Variants in BAP1 observed in about 807,000 individuals in gnomAD.
BAP1 encodes the protein BRCA1 associated deubiquitinase 1.
In BAP1, 16 loss-of-function variants were observed where a neutral mutation model predicts 77.2. That is an observed-to-expected ratio of 0.21 (90% CI 0.14 to 0.31). BAP1 has a LOEUF of 0.31. Among genes scored for constraint, BAP1 ranks in the 10% least tolerant of loss-of-function variants. The probability of loss-of-function intolerance (pLI) is 1.00; values close to 1 mark genes in which losing one functional copy is unlikely to be tolerated. For synonymous variants in BAP1, 362 were observed against 385.2 expected, an observed-to-expected ratio of 0.94 and a Z score of 0.71; for missense variants, 699 against 967.3, an observed-to-expected ratio of 0.72 and a Z score of 3.68.
Position 52,406,977 on chromosome 3 carries a change from G to C in BAP1, c.581-70C>G, listed in dbSNP as rs2153227704. On this transcript the variant is annotated intron_variant, in intron 7 of 16. Transcript: ENST00000460680. This position sits in a 1 kb window ranked among gnomAD's most constrained non-coding sequence, Gnocchi z 4.6. ...GTTTGGGCAGGCCAGGAGTGGGAAG[G>C]AAGACAGAGAAGAGCAGTTGAGCCA... is the stretch of plus-strand genomic sequence containing the variant. The C allele has an allele frequency of 6.6e-7, 1 of 1,511,588 alleles. No homozygotes were observed. The highest frequency in any genetic ancestry group is 2.0e-5 in the Admixed American group (1 of 51,150). The allele number at this position is 1,511,588 out of a possible 1,614,324, so 93.6% of individuals were successfully genotyped here. A position where few individuals can be genotyped will look rare whatever the true frequency, so the allele number is the denominator to read the frequency against.
chr3:52,403,744 A>C lies in BAP1; in HGVS notation c.1401T>G (p.Thr467=), dbSNP rs1578220972. 3 of 1,613,962 alleles carry C rather than the reference A, an allele frequency of 1.9e-6. No individual in the cohort carries two copies. The highest frequency in any genetic ancestry group is 2.5e-6 in the Non-Finnish European group (3 of 1,180,038). The part of the protein sequence containing the change: ...KDLSIPLSIK[T]SSGAGSPAVA... ...CAGCCGGACTCCCAGCCCCGCTGCT[A>C]GTCTTGATGGACAGAGGAATTGAGA... The change falls in exon 13 of 17, where the codon ACT becomes ACG. Residue 467 remains threonine (T), a synonymous_variant. Transcript: ENST00000460680. This position sits in a 1 kb window ranked among gnomAD's most constrained non-coding sequence, Gnocchi z 4.0.
intron 4 of BAP1, among the ~76,000 whole-genome samples, 173 bp downstream of exon 4, chr3:52,408,301 T>C (rs1252615333): frequency 1.3e-5 from 2 of 152,204 alleles, no homozygotes; most frequent in Non-Finnish European, 2.9e-5. Flanking sequence ...CCTCCTACTC[T>C]AAAGCTGTTC....
intron 3 of BAP1, 116 bp from the exon 4 acceptor site, chr3:52,408,722 A>AT (rs1705247035): frequency 7.6e-7 from 1 of 1,314,882 alleles, no homozygotes; most frequent in African/African-American, 1.5e-5. Context: ...CCTTGCTGTG[A>AT]TCCCCCCTCT....
chr3:52,401,220 C>T lies in BAP1; in HGVS notation c.*1068G>A, dbSNP rs1704943320. ...TGGGGCTGTGTTGGGGCCTGGGCTC[C>T]AGAGGCACTGCTGGGCCCATTACCC... On this transcript the variant is annotated 3_prime_UTR_variant, in exon 17 of 17. Transcript: ENST00000460680. The T allele has an allele frequency of 4.3e-6, 1 of 232,980 alleles. No individual in the cohort carries two copies. Among genetic ancestry groups the T allele is most frequent in the African/African-American group, 2.2e-5 (1 of 45,320 alleles). The allele number at this position is 232,980 out of a possible 1,614,324, so 14.4% of individuals were successfully genotyped here.
chr3:52,406,765 C>G lies in BAP1; in HGVS notation c.659+64G>C, dbSNP rs1705171077. 2.0e-6 allele frequency: 3 copies of G among 1,513,572 alleles called. No homozygotes were observed. The highest frequency in any genetic ancestry group is 2.7e-6 in the Non-Finnish European group (3 of 1,112,504). 93.8% of individuals were successfully genotyped at this position (1,513,572 alleles called of 1,614,324 possible). On this transcript the variant is annotated intron_variant, in intron 8 of 16. Coordinates refer to ENST00000460680, the MANE Select transcript of BAP1 (RefSeq NM_004656.4). This position sits in a 1 kb window ranked among gnomAD's most constrained non-coding sequence, Gnocchi z 4.6. ...GCAATTTACAAATCACCTGGATACTCTCTGTCCCTCCCAAAGTAGGTACAG... is the reference window on the plus strand; with the variant it reads ...GCAATTTACAAATCACCTGGATACTGTCTGTCCCTCCCAAAGTAGGTACAG...
rs753960146 is a variant in BAP1, at chr3:52,406,812, A to T, written c.659+17T>A. ...ACAGCTCCAGAGAGTAGAACAGGGC[A>T]GGCACAGGGCCCTTACCCTGCAGTG... is the stretch of plus-strand genomic sequence containing the variant. On this transcript the variant is annotated intron_variant, in intron 8 of 16. Coordinates refer to ENST00000460680, the MANE Select transcript of BAP1 (RefSeq NM_004656.4). This position sits in a 1 kb window ranked among gnomAD's most constrained non-coding sequence, Gnocchi z 4.6. The T allele has an allele frequency of 1.4e-4, 216 of 1,553,244 alleles. 1 individual carries two copies. In the South Asian group the frequency reaches 2.0e-3, roughly 14 times the overall value.
Position 52,403,051 on chromosome 3 carries a change from C to A in BAP1, c.1890+87G>T. On this transcript the variant is annotated intron_variant, in intron 14 of 16. Coordinates refer to ENST00000460680, the MANE Select transcript of BAP1 (RefSeq NM_004656.4). The surrounding 1 kb of genome is among the most constrained non-coding windows in gnomAD (Gnocchi z 4.0). ...AGCCACCAATCTTCACACCAAAGTT[C>A]CAATCAAGAACTTGGCACCTGGGCA... 1.2e-6 allele frequency: 2 copies of A among 1,600,746 alleles called. No homozygotes were observed. The highest frequency in any genetic ancestry group is 2.2e-5 in the South Asian group (2 of 90,598).
Position 52,404,445 on chromosome 3 carries a change from G to A in BAP1, c.1250+8C>T, listed in dbSNP as rs1282283718. The A allele has an allele frequency of 1.2e-6, 2 of 1,614,094 alleles. No homozygotes were observed. Among genetic ancestry groups the A allele is most frequent in the Admixed American group, 1.7e-5 (1 of 60,006 alleles). ...TAGAACCTGGTAGCCTTAGAAAGCT[G>A]GGCTGACCTAAGGGCAGAGTTGGTG... On this transcript the variant is annotated splice_region_variant and intron_variant, in intron 12 of 16. Transcript: ENST00000460680.
In BAP1 at chr3:52,403,404, T is replaced by TC; in HGVS notation, c.1729+11dup. 1 of 1,613,488 alleles carries TC rather than the reference T, an allele frequency of 6.2e-7. No homozygotes were observed. Among genetic ancestry groups the TC allele is most frequent in the Non-Finnish European group, 8.5e-7 (1 of 1,179,898 alleles). On this transcript the variant is annotated intron_variant, in intron 13 of 16. Transcript: ENST00000460680. This position sits in a 1 kb window ranked among gnomAD's most constrained non-coding sequence, Gnocchi z 4.0. ...GTGCACCAAGTGGCCAGTGAGCCAG[T>TC]CCAAGGCCCACCTGTCAGCGCCAGG...
In BAP1 at chr3:52,408,534, C is replaced by T. The variant is rs2153228316; in HGVS notation, c.195G>A (p.Leu65=). ...CATCAATCACGGACGTATCATCCAC[C>T]AAGGTAGAGACCTTTCGCCGGGACC... ...ERRSRRKVST[L]VDDTSVIDDD... is the part of the protein sequence containing the mutation. Residue 65 remains leucine (L), a synonymous_variant, in exon 4 of 17, where the codon TTG becomes TTA. Coordinates refer to ENST00000460680, the MANE Select transcript of BAP1 (RefSeq NM_004656.4). 2.5e-6 allele frequency: 4 copies of T among 1,612,246 alleles called. No individual in the cohort carries two copies. Among genetic ancestry groups the T allele is most frequent in the Non-Finnish European group, 3.4e-6 (4 of 1,179,234 alleles).
Position 52,402,267 on chromosome 3 carries a change from C to G in BAP1, c.*21G>C. Reference sequence around the variant, plus strand: ...AGGGCCACACGGCAAGAGTGGGCTGCAGAGTCAGGGCCAGCAGTCCTCACT... The same window carrying G: ...AGGGCCACACGGCAAGAGTGGGCTGGAGAGTCAGGGCCAGCAGTCCTCACT... On this transcript the variant is annotated 3_prime_UTR_variant, in exon 17 of 17. Coordinates refer to ENST00000460680, the MANE Select transcript of BAP1 (RefSeq NM_004656.4). The surrounding 1 kb of genome is among the most constrained non-coding windows in gnomAD (Gnocchi z 5.3). The G allele has an allele frequency of 6.3e-7, 1 of 1,599,490 alleles. No homozygotes were observed. The highest frequency in any genetic ancestry group is 8.5e-7 in the Non-Finnish European group (1 of 1,174,906).
chr3:52,403,756 C>T lies in BAP1; in HGVS notation c.1389G>A (p.Leu463=), dbSNP rs1064795208. ...KESQKDLSIP[L]SIKTSSGAGS... ...CAGCCCCGCTGCTAGTCTTGATGGA[C>T]AGAGGAATTGAGAGGTCCTTCTGGG... The change falls in exon 13 of 17, where the codon CTG becomes CTA. Residue 463 remains leucine, a synonymous_variant. Transcript: ENST00000460680. The surrounding 1 kb of genome is among the most constrained non-coding windows in gnomAD (Gnocchi z 4.0). The T allele has an allele frequency of 2.5e-6, 4 of 1,614,076 alleles. No homozygotes were observed. The South Asian group carries it at 3.3e-5, about 13-fold the overall frequency.
In BAP1 at chr3:52,405,199, G is replaced by C. The variant is rs1060503734; in HGVS notation, c.1027C>G (p.Leu343Val). 1 of 1,614,124 alleles carries C rather than the reference G, an allele frequency of 6.2e-7. No individual in the cohort carries two copies. Among genetic ancestry groups the C allele is most frequent in the Non-Finnish European group, 8.5e-7 (1 of 1,180,036 alleles). ...KLVVKPPGSS[L>V]NGVHPNPTPI... is the part of the protein sequence containing the mutation. ...GTGGGGTTGGGGTGAACCCCATTGA[G>C]GCTGCTGCCTGGAGGCTTCACCACT... The change falls in exon 11 of 17, where the codon CTC (leucine) becomes GTC (valine). Residue 343 changes from leucine (L) to valine (V), a missense_variant. Leu to Val is a conservative substitution (Grantham distance 32, BLOSUM62 1). Coordinates refer to ENST00000460680, the MANE Select transcript of BAP1 (RefSeq NM_004656.4).
chr3:52,406,613 C>A lies in BAP1; in HGVS notation c.659+216G>T. 2.3e-6 allele frequency: 2 copies of A among 858,100 alleles called. No individual in the cohort carries two copies. Among genetic ancestry groups the A allele is most frequent in the Non-Finnish European group, 3.6e-6 (2 of 549,914 alleles). 53.2% of individuals were successfully genotyped at this position (858,100 alleles called of 1,614,324 possible). ...CAGCAGACCTGGGCTGCCTAAGGCTCCACTGAGGCCTGCCCCTCCCCCAGC... is the reference window on the plus strand; with the variant it reads ...CAGCAGACCTGGGCTGCCTAAGGCTACACTGAGGCCTGCCCCTCCCCCAGC... On this transcript the variant is annotated intron_variant, in intron 8 of 16. Coordinates refer to ENST00000460680, the MANE Select transcript of BAP1 (RefSeq NM_004656.4). The surrounding 1 kb of genome is among the most constrained non-coding windows in gnomAD (Gnocchi z 4.6).
rs1338231889 is a variant in BAP1, at chr3:52,408,479, G to A, written c.250C>T (p.His84Tyr). ...AAGCACAGAGTCCAGCAGACCTGGT[G>A]GGCAAAGAACATGTTATTCACAATA... is the stretch of plus-strand genomic sequence containing the variant. ...DDIVNNMFFAHQLIPNSCATH... is the reference protein window; with the variant it reads ...DDIVNNMFFAYQLIPNSCATH... Residue 84 changes from histidine (H) to tyrosine (Y), a missense_variant, in exon 4 of 17, where the codon CAC becomes TAC. By Grantham distance (83) the His-to-Tyr change is moderately conservative. Transcript: ENST00000460680. 56 of 1,611,144 alleles carry A rather than the reference G, an allele frequency of 3.5e-5. No individual in the cohort carries two copies. Among genetic ancestry groups the A allele is most frequent in the Non-Finnish European group, 4.6e-5 (54 of 1,178,834 alleles).
At chr3:52,409,458 G>A in intron 3 of BAP1, 96 bp downstream of exon 3, 1 of 1,491,588 alleles carries the variant, frequency 6.7e-7, no homozygotes, top group East Asian at 2.3e-5. Flanking sequence ...TTACAACGTA[G>A]GGTTCCTGGC....
chr3:52,403,247 C>CA lies in BAP1; in HGVS notation c.1780_1781insT (p.Gly594ValfsTer49). 6.2e-7 allele frequency: 1 copy of CA among 1,614,172 alleles called. No homozygotes were observed. ...CTCCTTCTCCACTGGGCTGCTGGAC[C>CA]CCTGGCTGCCTTGGATTGGTCTGAT... On this transcript the variant is annotated frameshift_variant, in exon 14 of 17. Transcript: ENST00000460680. LOFTEE classifies it high-confidence loss of function. The surrounding 1 kb of genome is among the most constrained non-coding windows in gnomAD (Gnocchi z 4.0).
rs1704999210 is a variant in BAP1 at position 52,402,630 on chromosome 3, G to A, written c.2028C>T (p.Cys676=). The stretch of plus-strand genomic sequence containing the variant: ...CCTGAGCCAGCATGGAGATAAAGGT[G>A]CAGATGAACTCATCGTAGTTGTGGG... ...RRTHNYDEFI[C]TFISMLAQEG... is the part of the protein sequence containing the mutation. The change falls in exon 16 of 17, where the codon TGC becomes TGT. Residue 676 remains cysteine (C), a synonymous_variant. Transcript: ENST00000460680. This position sits in a 1 kb window ranked among gnomAD's most constrained non-coding sequence, Gnocchi z 5.3. 6.2e-7 allele frequency: 1 copy of A among 1,614,208 alleles called. No individual in the cohort carries two copies.
intron 10 of BAP1, 34 bp from the exon 11 acceptor site, chr3:52,405,328 A>G: frequency 6.2e-7 from 1 of 1,611,828 alleles, no homozygotes; most frequent in Non-Finnish European, 8.5e-7. Context: ...CAGGACCTCC[A>G]GTAGGATCTC....
Sources: gnomAD v4.1 joint callset for allele counts (sites outside exome capture counted in the v4.1 genomes callset) on GRCh38, gnomAD v4.1.1 for gene constraint, Gnocchi (gnomAD v3.1) non-coding constraint, MANE v1.5 for transcripts, NCBI Gene and HGNC (gene_info 2026-07-23, HGNC 2026-07-21) for gene names.